ATG7: variants seen among roughly 807,000 people sequenced by gnomAD.
The protein encoded by ATG7 is autophagy related 7, also known as ubiquitin-like modifier-activating enzyme ATG7.
A neutral mutation model predicts 82.4 loss-of-function variants in ATG7; 70 were observed. That is an observed-to-expected ratio of 0.85 (90% CI 0.70 to 1.04). The LOEUF is 1.04. ATG7 is among the 50% of genes least tolerant of loss of function. The probability of loss-of-function intolerance (pLI) is 0.00; values close to 1 mark genes in which losing one functional copy is unlikely to be tolerated. For missense variants in ATG7, 792 were observed against 864.3 expected, an observed-to-expected ratio of 0.92 and a Z score of 1.05; for synonymous variants, 287 against 313.0, an observed-to-expected ratio of 0.92 and a Z score of 0.88.
At chr3:11,551,441 G>A (rs1005668282) in intron 20 of ATG7, among the ~76,000 whole-genome samples, 27 of 152,348 alleles carry the variant, frequency 1.8e-4, no homozygotes, top group Admixed American at 1.6e-3. Flanking sequence ...CAGAAACAAG[G>A]GGTGTGGCTC....
intron 20 of ATG7, among the ~76,000 whole-genome samples, chr3:11,459,100 A>G (rs1373878024): frequency 6.6e-6 from 1 of 151,568 alleles, no homozygotes; most frequent in Non-Finnish European, 1.5e-5. Context: ...GGCCTAGGCG[A>G]TCACTTCTCT....
intron 11 of ATG7, among the ~76,000 whole-genome samples, chr3:11,339,309 A>AAG (rs1553618850): frequency 7.6e-6 from 1 of 132,138 alleles, no homozygotes; most frequent in African/African-American, 2.7e-5. Flanking sequence ...AAAAAAAAAA[A>AAG]AAAAGAAAAG....
the ATG7 span, among the ~76,000 whole-genome samples, chr3:11,563,356 T>TGAGCTTCCCAAAGCA: frequency 6.6e-6 from 1 of 152,364 alleles, no homozygotes; most frequent in South Asian, 2.1e-4. Context: ...CAATGCCTGT[T>TGAGCTTCCCAAAGCA]GAGCTTCCCA....
intron 14 of ATG7, among the ~76,000 whole-genome samples, chr3:11,354,300 G>A (rs917374259): frequency 6.6e-6 from 1 of 152,136 alleles, no homozygotes; most frequent in Non-Finnish European, 1.5e-5. Context: ...AGAGTAAATT[G>A]AATAAGAAAA....
intron 20 of ATG7, among the ~76,000 whole-genome samples, chr3:11,529,330 G>T (rs2092648711): frequency 6.6e-6 from 1 of 152,110 alleles, no homozygotes; most frequent in Admixed American, 6.5e-5. Flanking sequence ...TAACATTTAG[G>T]AACCGTAACA....
intron 9 of ATG7, among the ~76,000 whole-genome samples, chr3:11,322,909 G>A (rs544026127): frequency 9.2e-5 from 14 of 152,272 alleles, no homozygotes; most frequent in Admixed American, 2.6e-4. Context: ...GACCAGCATG[G>A]GCAACATAGC....
At chr3:11,533,012 C>T (rs554169278) in intron 20 of ATG7, among the ~76,000 whole-genome samples, 1 of 152,112 alleles carries the variant, frequency 6.6e-6, no homozygotes, top group Non-Finnish European at 1.5e-5. Flanking sequence ...GACAGGGTGG[C>T]GAGGAGAAGC....
chr3:11,400,233 G>A (rs549099090), intron 19 of ATG7, among the ~76,000 whole-genome samples: 1 of 152,282 alleles, frequency 6.6e-6, no homozygotes, highest in Non-Finnish European at 1.5e-5. Context: ...TAGGCTGTAA[G>A]AGACTGAGTC....
chr3:11,352,309 C>T (rs2075616409), intron 14 of ATG7, among the ~76,000 whole-genome samples: 1 of 152,152 alleles, frequency 6.6e-6, no homozygotes, highest in Non-Finnish European at 1.5e-5. Flanking sequence ...CCGCAATAAA[C>T]ATATGTGTGC....
At chr3:11,399,997 T>A (rs2079676187) in intron 19 of ATG7, among the ~76,000 whole-genome samples, 1 of 152,212 alleles carries the variant, frequency 6.6e-6, no homozygotes, top group Non-Finnish European at 1.5e-5. Context: ...TATTTTACAT[T>A]TCTGTTACTT....
chr3:11,418,692 T>C (rs2081640905), intron 19 of ATG7, among the ~76,000 whole-genome samples: 2 of 152,138 alleles, frequency 1.3e-5, no homozygotes, highest in South Asian at 4.1e-4. Context: ...CCTGACTGTC[T>C]CTCCAGTTCT....
rs553944184 is a variant in ATG7, at chr3:11,554,877, C to G, written c.*34C>G. 6.2e-7 allele frequency: 1 copy of G among 1,608,092 alleles called. No individual in the cohort carries two copies. The highest frequency in any genetic ancestry group is 8.5e-7 in the Non-Finnish European group (1 of 1,178,328). ...CGCTGTGGGGCTGACTTCTCCCCGG[C>G]CGCCTGCTGAGGAGCTCTCCATCGC... On this transcript the variant is annotated 3_prime_UTR_variant, in exon 21 of 21. Coordinates refer to ENST00000693202, the MANE Select transcript of ATG7 (RefSeq NM_001349232.2).
chr3:11,457,081 C>T (rs1239761277), intron 20 of ATG7, among the ~76,000 whole-genome samples: 2 of 152,184 alleles, frequency 1.3e-5, no homozygotes, highest in Non-Finnish European at 2.9e-5. Context: ...GGGCAGGACA[C>T]AGTAGAAGCC....
intron 18 of ATG7, among the ~76,000 whole-genome samples, chr3:11,366,439 C>T (rs1371190283): frequency 2.0e-5 from 3 of 152,042 alleles, no homozygotes; most frequent in African/African-American, 4.8e-5. Context: ...TCTACAGAGA[C>T]ATTTCACGTA....
chr3:11,528,043 G>T (rs1484957021), intron 20 of ATG7, among the ~76,000 whole-genome samples: 2 of 152,192 alleles, frequency 1.3e-5, no homozygotes. Context: ...ACCCACGTGT[G>T]GTCCCTTCTG....
intron 20 of ATG7, among the ~76,000 whole-genome samples, chr3:11,447,390 C>T (rs1049511585): frequency 6.6e-6 from 1 of 151,688 alleles, no homozygotes; most frequent in African/African-American, 2.4e-5. Flanking sequence ...TCACTTGAAC[C>T]TGGGAGGTGG....
At chr3:11,308,963 A>C in intron 6 of ATG7, 21 bp from the exon 7 acceptor site, 1 of 1,607,032 alleles carries the variant, frequency 6.2e-7, no homozygotes, top group Non-Finnish European at 8.5e-7. Flanking sequence ...ACCTGCCTTG[A>C]TGCTTTTCTT....
chr3:11,434,353 T>C (rs964751450), intron 20 of ATG7, among the ~76,000 whole-genome samples: 2 of 152,222 alleles, frequency 1.3e-5, no homozygotes, highest in Non-Finnish European at 2.9e-5. Flanking sequence ...GAAATCGCTC[T>C]GGGGACTGAA....
intron 20 of ATG7, among the ~76,000 whole-genome samples, chr3:11,515,858 G>A (rs1430982908): frequency 6.6e-6 from 1 of 152,082 alleles, no homozygotes; most frequent in Non-Finnish European, 1.5e-5. Flanking sequence ...CACAAGAGAA[G>A]TTGAAAAAAG....
Sources: gnomAD v4.1 joint callset for allele counts (sites outside exome capture counted in the v4.1 genomes callset) on GRCh38, gnomAD v4.1.1 for gene constraint, MANE v1.5 for transcripts, NCBI Gene and HGNC (gene_info 2026-07-23, HGNC 2026-07-21) for gene names.